Variants in FRMD4B observed in about 807,000 individuals in gnomAD.
FRMD4B encodes the protein FERM domain containing 4B.
Under a neutral mutation model 141.5 loss-of-function variants are expected in FRMD4B, and 74 were observed. The ratio of observed to expected loss-of-function variants is 0.52; its 90% CI spans 0.43 to 0.63. The LOEUF is 0.63. FRMD4B is among the 30% of genes least tolerant of loss of function. FRMD4B has a pLI of 0.00. For missense variants in FRMD4B, 1,366 were observed against 1,253.4 expected (o/e 1.09, Z -1.36); for synonymous variants, 506 against 467.9 (o/e 1.08, Z -1.05).
chr3:69,214,540 G>A (rs1221414627), intron 11 of FRMD4B, among the ~76,000 whole-genome samples: 1 of 152,092 alleles, frequency 6.6e-6, no homozygotes, highest in Admixed American at 6.6e-5. Context: ...GCAAAAACGT[G>A]TTGTACACTT....
intron 1 of FRMD4B, among the ~76,000 whole-genome samples, chr3:69,436,923 G>C: frequency 6.6e-6 from 1 of 152,140 alleles, no homozygotes; most frequent in East Asian, 1.9e-4. Context: ...TTATTATCTA[G>C]AACAGTTGAA....
At chr3:69,456,040 G>A (rs958570602) in intron 1 of FRMD4B, among the ~76,000 whole-genome samples, 5 of 152,154 alleles carry the variant, frequency 3.3e-5, no homozygotes, top group African/African-American at 1.2e-4. Flanking sequence ...TTTCTGGCAC[G>A]TGGTGAAGGC....
chr3:69,184,023 G>C (rs913686626), intron 19 of FRMD4B, among the ~76,000 whole-genome samples: 4 of 151,962 alleles, frequency 2.6e-5, no homozygotes, highest in Admixed American at 2.0e-4. Flanking sequence ...AGCCTCCCAA[G>C]TAGCTGGAAT....
intron 1 of FRMD4B, among the ~76,000 whole-genome samples, chr3:69,368,913 G>C (rs767357030): frequency 6.6e-6 from 1 of 152,110 alleles, no homozygotes; most frequent in African/African-American, 2.4e-5. Flanking sequence ...CTCTCACCTC[G>C]GCCTCCCAAA....
At chr3:69,197,899 C>T (rs1206971076) in intron 12 of FRMD4B, 3 of 152,244 alleles carry the variant, frequency 2.0e-5, no homozygotes, top group South Asian at 2.1e-4. Flanking sequence ...CGGAGACGGG[C>T]GGATCACCTG....
upstream of FRMD4B, among the ~76,000 whole-genome samples, chr3:69,388,110 C>T (rs991541539): frequency 3.2e-4 from 49 of 151,264 alleles, no homozygotes; most frequent in Admixed American, 3.3e-4. Context: ...CGATGCAGTT[C>T]GACTGTGTTC....
At chr3:69,474,161 A>G (rs185421295) in intron 1 of FRMD4B, among the ~76,000 whole-genome samples, 271 of 152,308 alleles carry the variant, frequency 1.8e-3, no homozygotes, top group Non-Finnish European at 3.3e-3. Flanking sequence ...TAGCTCATGT[A>G]TTGCTACAGA....
At chr3:69,240,405 C>T (rs1397935344) in intron 7 of FRMD4B, among the ~76,000 whole-genome samples, 2 of 148,744 alleles carry the variant, frequency 1.3e-5, no homozygotes, top group African/African-American at 2.5e-5. Flanking sequence ...TGCTTGAACC[C>T]GGGAGGCGGA....
chr3:69,481,361 C>T (rs1334514715), intron 1 of FRMD4B, among the ~76,000 whole-genome samples: 1 of 152,160 alleles, frequency 6.6e-6, no homozygotes, highest in African/African-American at 2.4e-5. Flanking sequence ...TGGCACACTC[C>T]TCTTATATTT....
intron 1 of FRMD4B, among the ~76,000 whole-genome samples, chr3:69,459,369 G>A (rs1705673203): frequency 6.6e-6 from 1 of 152,156 alleles, no homozygotes; most frequent in Non-Finnish European, 1.5e-5. Flanking sequence ...GGAAAAAAAT[G>A]AGGATGGATA....
At chr3:69,365,505 G>GA (rs1553730861) in intron 1 of FRMD4B, among the ~76,000 whole-genome samples, 1 of 137,864 alleles carries the variant, frequency 7.3e-6, no homozygotes, top group African/African-American at 3.2e-5. Flanking sequence ...TACAACCTTT[G>GA]TTTTTTTTCT....
intron 1 of FRMD4B, among the ~76,000 whole-genome samples, chr3:69,476,464 C>G (rs1438360093): frequency 2.0e-5 from 3 of 152,132 alleles, no homozygotes; most frequent in Admixed American, 6.5e-5. Context: ...ATAAGGAATC[C>G]TTTCCCCATT....
chr3:69,183,068 T>A (rs2092726093), intron 19 of FRMD4B, among the ~76,000 whole-genome samples: 2 of 152,200 alleles, frequency 1.3e-5, no homozygotes, highest in Non-Finnish European at 2.9e-5. Context: ...GGGATGGATG[T>A]ATAATTCAGC....
rs1324059623 is a variant in FRMD4B at position 69,182,581 on chromosome 3, G to A, written c.2039+17C>T. ...AAAATCAAGACAGCTAAAGCAATGA[G>A]AAAGAAGCTCTCTTACTCCAAGTGG... On this transcript the variant is annotated intron_variant, in intron 20 of 22. Coordinates refer to ENST00000398540, the MANE Select transcript of FRMD4B (RefSeq NM_015123.3). 1 of 1,590,318 alleles carries A rather than the reference G, an allele frequency of 6.3e-7. No homozygotes were observed. Among genetic ancestry groups the A allele is most frequent in the Admixed American group, 1.9e-5 (1 of 51,458 alleles).
chr3:69,352,347 G>A (rs17350402), intron 1 of FRMD4B, among the ~76,000 whole-genome samples: 20,218 of 152,136 alleles, frequency 0.13, 1,452 homozygotes, highest in South Asian at 0.18. Flanking sequence ...CCGATTTAGA[G>A]ACAATGGACT....
At chr3:69,306,938 A>G (rs1329599818) in intron 3 of FRMD4B, among the ~76,000 whole-genome samples, 1 of 152,164 alleles carries the variant, frequency 6.6e-6, no homozygotes, top group East Asian at 1.9e-4. Context: ...AAGAAAAAGA[A>G]CTAGGCTTGT....
rs145924656 is a variant in FRMD4B, at chr3:69,244,612, G to A, written c.581+4614C>T. ...GGCACCATTGCACTTCAGCCTGGGCGACAGAGCGAGACTCTGTTTAAACAA... is the reference window on the plus strand; with the variant it reads ...GGCACCATTGCACTTCAGCCTGGGCAACAGAGCGAGACTCTGTTTAAACAA... On this transcript the variant is annotated intron_variant, in intron 7 of 22. Transcript: ENST00000398540. Among the ~76,000 whole-genome samples the A allele has an allele frequency of 6.3e-3, 954 of 151,598 alleles. 13 individuals carry two copies. The highest frequency in any genetic ancestry group is 0.021 in the African/African-American group (882 of 41,302).
intron 1 of FRMD4B, among the ~76,000 whole-genome samples, chr3:69,455,223 T>G (rs1301522728): frequency 2.6e-5 from 4 of 152,046 alleles, no homozygotes; most frequent in Admixed American, 6.6e-5. Context: ...AGGATGTGGG[T>G]GGGGTCAGCT....
chr3:69,498,940 C>G (rs979131253), intron 1 of FRMD4B, among the ~76,000 whole-genome samples: 1 of 151,980 alleles, frequency 6.6e-6, no homozygotes, highest in Non-Finnish European at 1.5e-5. Context: ...GGGAAGATAA[C>G]TAAGCAAAAA....
Sources: gnomAD v4.1 joint callset for allele counts (sites outside exome capture counted in the v4.1 genomes callset) on GRCh38, gnomAD v4.1.1 for gene constraint, MANE v1.5 for transcripts, NCBI Gene and HGNC (gene_info 2026-07-23, HGNC 2026-07-21) for gene names.